CCDC126: variants seen among roughly 807,000 people sequenced by gnomAD.
CCDC126 encodes the protein coiled-coil domain-containing protein 126.
CCDC126 carries 5 observed loss-of-function variants against 11.7 expected under a neutral mutation model. That is an observed-to-expected ratio of 0.43 (90% confidence interval 0.22 to 0.90). The LOEUF (loss-of-function observed/expected upper bound fraction) is 0.90, where lower values mean the gene tolerates loss of function less well. Among genes scored for constraint, CCDC126 ranks in the 40% least tolerant of loss-of-function variants. The pLI is 0.27. For synonymous variants in CCDC126, 60 were observed against 61.9 expected, an observed-to-expected ratio of 0.97 and a Z score of 0.14; for missense variants, 150 against 163.1, an observed-to-expected ratio of 0.92 and a Z score of 0.44.
intron 3 of CCDC126, among the ~76,000 whole-genome samples, chr7:23,636,772 G>A (rs907756385): frequency 2.2e-5 from 3 of 136,188 alleles, no homozygotes; most frequent in Non-Finnish European, 4.9e-5. Context: ...AGGGAGGTGG[G>A]GGGGGGGTCA....
At chr7:23,629,078 C>G (rs1783061428) in intron 3 of CCDC126, among the ~76,000 whole-genome samples, 1 of 152,142 alleles carries the variant, frequency 6.6e-6, no homozygotes, top group Admixed American at 6.5e-5. Flanking sequence ...ATTTCAAACA[C>G]AAATCACTTA....
intron 3 of CCDC126, chr7:23,622,886 A>G (rs1782942669): frequency 2.7e-6 from 1 of 367,388 alleles, no homozygotes; most frequent in African/African-American, 2.1e-5. Flanking sequence ...TTGCGAGTTC[A>G]TTACACATGC....
At chr7:23,642,653 A>C (rs1192540996) in intron 3 of CCDC126, among the ~76,000 whole-genome samples, 2 of 151,742 alleles carry the variant, frequency 1.3e-5, no homozygotes. Context: ...ATCCCAGCTA[A>C]TCAGGAGGCT....
At chr7:23,639,331 A>G (rs918733711) in intron 3 of CCDC126, among the ~76,000 whole-genome samples, 9 of 151,856 alleles carry the variant, frequency 5.9e-5, no homozygotes, top group Admixed American at 3.9e-4. Flanking sequence ...AGCTGGGACT[A>G]CAGACATGTG....
chr7:23,605,854 A>T (rs1468951201), intron 2 of CCDC126, among the ~76,000 whole-genome samples: 1 of 152,098 alleles, frequency 6.6e-6, no homozygotes, highest in East Asian at 1.9e-4. Context: ...AGATTGTATG[A>T]TAATCCTATG....
intron 2 of CCDC126, among the ~76,000 whole-genome samples, chr7:23,609,329 A>G (rs867585514): frequency 2.6e-5 from 4 of 151,920 alleles, no homozygotes; most frequent in African/African-American, 9.7e-5. Context: ...GATTACAAGC[A>G]TGCGCCACCA....
chr7:23,622,936 C>T, intron 3 of CCDC126: 1 of 235,618 alleles, frequency 4.2e-6, no homozygotes, highest in Non-Finnish European at 8.4e-6. Context: ...GTTTGCTCTG[C>T]TGTGAGCTGA....
chr7:23,607,850 G>T (rs1782646041), intron 2 of CCDC126, among the ~76,000 whole-genome samples: 1 of 152,120 alleles, frequency 6.6e-6, no homozygotes, highest in Admixed American at 6.5e-5. Flanking sequence ...GAATGACAAG[G>T]TTCATAAATT....
chr7:23,613,510 C>G (rs1238925422), intron 3 of CCDC126, among the ~76,000 whole-genome samples: 1 of 152,104 alleles, frequency 6.6e-6, no homozygotes, highest in Non-Finnish European at 1.5e-5. Flanking sequence ...GAGCTCCTTT[C>G]CGATTTTTCA....
At chr7:23,642,879 C>CA (rs1783387774) in intron 3 of CCDC126, 52 bp from the exon 4 acceptor site, 1 of 1,505,610 alleles carries the variant, frequency 6.6e-7, no homozygotes, top group Admixed American at 1.8e-5. Flanking sequence ...TGTAAAAACA[C>CA]AAAAATGAAG....
chr7:23,607,994 T>C (rs911666632), intron 2 of CCDC126, among the ~76,000 whole-genome samples: 3 of 152,194 alleles, frequency 2.0e-5, no homozygotes, highest in Admixed American at 6.5e-5. Context: ...AACAGGAATT[T>C]ATGCTGAGCA....
chr7:23,643,200 G>C lies in CCDC126; in HGVS notation c.*85G>C. 1.7e-6 allele frequency: 2 copies of C among 1,144,748 alleles called. No homozygotes were observed. Among genetic ancestry groups the C allele is most frequent in the Non-Finnish European group, 2.5e-6 (2 of 814,104 alleles). The allele number at this position is 1,144,748 out of a possible 1,614,324, so 70.9% of individuals were successfully genotyped here. A position where few individuals can be genotyped will look rare whatever the true frequency, so the allele number is the denominator to read the frequency against. On this transcript the variant is annotated 3_prime_UTR_variant, in exon 4 of 4. Transcript: ENST00000307471. The stretch of plus-strand genomic sequence containing the variant: ...GCTTTATAATTGCTGGCTTAGGACA[G>C]AGCAATACTTTACAATAAAAGCTCT...
At chr7:23,623,528 A>C (rs977284199) in intron 3 of CCDC126, among the ~76,000 whole-genome samples, 10 of 151,316 alleles carry the variant, frequency 6.6e-5, no homozygotes, top group African/African-American at 2.4e-4. Context: ...CCCAGAAGGC[A>C]GAGGTTGTGG....
At chr7:23,631,187 CAGT>C (rs1248680948) in intron 3 of CCDC126, among the ~76,000 whole-genome samples, 1 of 151,766 alleles carries the variant, frequency 6.6e-6, no homozygotes, top group Non-Finnish European at 1.5e-5. Flanking sequence ...AAAACAAAAA[CAGT>C]AGAGAATATC....
At position 23,643,135 on chromosome 7, in the gene CCDC126, G is replaced by A. The variant is rs1169901973; in HGVS notation, c.*20G>A. 6.2e-7 allele frequency: 1 copy of A among 1,606,124 alleles called. No homozygotes were observed. Among genetic ancestry groups the A allele is most frequent in the Non-Finnish European group, 8.5e-7 (1 of 1,174,854 alleles). On this transcript the variant is annotated 3_prime_UTR_variant, in exon 4 of 4. Transcript: ENST00000307471. ...AGATAGCAGTTGAAAATCACCTTGTGCTGCTCCATCCACTGTGGATTATAT... is the reference window on the plus strand; with the variant it reads ...AGATAGCAGTTGAAAATCACCTTGTACTGCTCCATCCACTGTGGATTATAT...
At chr7:23,630,178 C>T (rs994604526) in intron 3 of CCDC126, among the ~76,000 whole-genome samples, 12 of 152,094 alleles carry the variant, frequency 7.9e-5, no homozygotes, top group Non-Finnish European at 1.8e-4. Flanking sequence ...TATGACATTC[C>T]AACAATAGTG....
chr7:23,612,415 T>C (rs227922), intron 3 of CCDC126, among the ~76,000 whole-genome samples: 114,928 of 144,588 alleles, frequency 0.79, 45,754 homozygotes, highest in African/African-American at 0.9. Context: ...GTGGAGGTTG[T>C]GGTGAGTCGA....
chr7:23,627,983 C>T (rs1292816934), intron 3 of CCDC126, among the ~76,000 whole-genome samples: 1 of 152,076 alleles, frequency 6.6e-6, no homozygotes, highest in Non-Finnish European at 1.5e-5. Flanking sequence ...CAAAAATTTT[C>T]CTTAGTAAAA....
At chr7:23,631,804 C>G (rs59030480) in intron 3 of CCDC126, among the ~76,000 whole-genome samples, 6 of 151,570 alleles carry the variant, frequency 4.0e-5, no homozygotes, top group African/African-American at 4.8e-5. Context: ...AGTCCCCCCC[C>G]ACCCTGAAAA....
Sources: allele counts gnomAD v4.1 joint callset (sites outside exome capture counted in the v4.1 genomes callset), GRCh38; gene constraint gnomAD v4.1.1; transcripts MANE v1.5; gene names NCBI Gene and HGNC (gene_info 2026-07-23, HGNC 2026-07-21).